Variants in LAMA2 observed in about 807,000 individuals in gnomAD.
The protein encoded by LAMA2 is laminin subunit alpha-2.
In LAMA2, 269 loss-of-function variants were observed where a neutral mutation model predicts 364.8. The ratio of observed to expected loss-of-function variants is 0.74; its 90% CI spans 0.67 to 0.82. LAMA2 has a LOEUF of 0.82. LAMA2 is among the 40% of genes least tolerant of loss of function. The pLI is 0.00. For missense variants in LAMA2, 3,807 were observed against 3,873.2 expected, an observed-to-expected ratio of 0.98 and a Z score of 0.45; for synonymous variants, 1,379 against 1,370.6, an observed-to-expected ratio of 1.01 and a Z score of -0.14.
chr6:129,141,472 G>T (rs147418220), intron 4 of LAMA2, among the ~76,000 whole-genome samples: 5 of 151,986 alleles, frequency 3.3e-5, no homozygotes, highest in Middle Eastern at 3.2e-3. Context: ...AGCATCCCAG[G>T]TAGATTCAAT....
At chr6:129,220,826 G>A (rs1302079886) in intron 12 of LAMA2, among the ~76,000 whole-genome samples, 4 of 150,974 alleles carry the variant, frequency 2.6e-5, no homozygotes, top group Admixed American at 2.6e-4. Context: ...TGTCTGTGCT[G>A]TATCTCTTTT....
chr6:129,339,485 A>T (rs1235343443), intron 29 of LAMA2, among the ~76,000 whole-genome samples: 1 of 152,228 alleles, frequency 6.6e-6, no homozygotes, highest in African/African-American at 2.4e-5. Flanking sequence ...CCCATTAGAG[A>T]TATCCAGGCT....
intron 12 of LAMA2, among the ~76,000 whole-genome samples, chr6:129,201,360 C>A (rs530666947): frequency 5.9e-5 from 9 of 152,122 alleles, no homozygotes; most frequent in African/African-American, 2.2e-4. Flanking sequence ...GAGAGAGAGA[C>A]GAGGAGAGAG....
chr6:129,467,320 G>A (rs9492325), intron 51 of LAMA2, among the ~76,000 whole-genome samples: 94,254 of 151,520 alleles, frequency 0.62, 29,920 homozygotes, highest in African/African-American at 0.75. Context: ...ACACGAAGAC[G>A]TGAAGATGGA....
intron 3 of LAMA2, among the ~76,000 whole-genome samples, chr6:129,090,590 G>A (rs1399382554): frequency 6.6e-6 from 1 of 152,118 alleles, no homozygotes; most frequent in African/African-American, 2.4e-5. Flanking sequence ...AAGAAACCAC[G>A]TTGTGTGTCC....
chr6:129,293,225 A>T (rs981714245), intron 20 of LAMA2, among the ~76,000 whole-genome samples: 1 of 152,248 alleles, frequency 6.6e-6, no homozygotes, highest in East Asian at 1.9e-4. Flanking sequence ...TTGCCCTTTT[A>T]AAAATAACCA....
At position 129,045,085 on chromosome 6, in the gene LAMA2, G is replaced by T. The variant is rs187457920; in HGVS notation, c.113-4833G>T. On this transcript the variant is annotated intron_variant, in intron 1 of 64. Transcript: ENST00000421865. ...GGTCATTCATTAGCAACTAATTGGA[G>T]ACCTTTGCTGACCAATATGCTTAAC... Among the ~76,000 whole-genome samples, 171 of 152,240 alleles carry T rather than the reference G, an allele frequency of 1.1e-3. 1 individual carries two copies. The highest frequency in any genetic ancestry group is 2.1e-3 in the South Asian group (10 of 4,828).
intron 9 of LAMA2, among the ~76,000 whole-genome samples, chr6:129,170,274 T>A (rs1412966369): frequency 6.8e-6 from 1 of 147,244 alleles, no homozygotes; most frequent in Non-Finnish European, 1.5e-5. Context: ...ATTTTGGATC[T>A]TTCCTGCTTT....
In LAMA2 at chr6:129,454,224, G is replaced by C; in HGVS notation, c.6643G>C (p.Gly2215Arg). 6.2e-7 allele frequency: 1 copy of C among 1,612,020 alleles called. No individual in the cohort carries two copies. ...CCTCTGGGATGTTGGATCTGGAGTT[G>C]GACGTGTAGAGTACCCAGATTTGAC... ...SFLWDVGSGV[G>R]RVEYPDLTID... The change falls in exon 47 of 65, where the codon GGA becomes CGA. Residue 2215 changes from glycine to arginine, a missense_variant. Coordinates refer to ENST00000421865, the MANE Select transcript of LAMA2 (RefSeq NM_000426.4).
intron 1 of LAMA2, among the ~76,000 whole-genome samples, chr6:128,942,426 G>A (rs1780214878): frequency 1.3e-5 from 2 of 152,188 alleles, no homozygotes; most frequent in South Asian, 4.1e-4. Flanking sequence ...TTCCAGTTGA[G>A]CTCAAAAGGA....
At chr6:129,422,305 T>C (rs1043743975) in intron 40 of LAMA2, among the ~76,000 whole-genome samples, 71 of 152,180 alleles carry the variant, frequency 4.7e-4, no homozygotes, top group African/African-American at 1.6e-3. Flanking sequence ...AAAAATTGCC[T>C]GGAAGCAAAG....
In LAMA2 at chr6:129,514,449, A is replaced by G. The variant is rs1159873158; in HGVS notation, c.9065A>G (p.Asp3022Gly). The G allele has an allele frequency of 3.1e-6, 5 of 1,613,906 alleles. No individual in the cohort carries two copies. Among genetic ancestry groups the G allele is most frequent in the Non-Finnish European group, 4.2e-6 (5 of 1,179,978 alleles). Reference sequence around the variant, plus strand: ...GCTGGGGTTCCAGGGCATTTGTGTGATGGACAATGGCATAAAGTCACTGCC... The same window carrying G: ...GCTGGGGTTCCAGGGCATTTGTGTGGTGGACAATGGCATAAAGTCACTGCC... Reference protein sequence around the residue: ...YDAGVPGHLCDGQWHKVTANK... With the variant: ...YDAGVPGHLCGGQWHKVTANK... The change falls in exon 64 of 65, where the codon GAT (aspartate) becomes GGT (glycine). Residue 3022 changes from aspartate (D) to glycine (G), a missense_variant. Asp to Gly is a moderately conservative substitution (Grantham distance 94). Transcript: ENST00000421865.
intron 12 of LAMA2, among the ~76,000 whole-genome samples, chr6:129,217,440 G>T (rs955429377): frequency 1.3e-5 from 2 of 152,082 alleles, no homozygotes; most frequent in Non-Finnish European, 2.9e-5. Flanking sequence ...GTTAGATTGA[G>T]CTTTCCCTTC....
chr6:129,514,221 GT>G, intron 63 of LAMA2, 151 bp from the exon 64 acceptor site: 1 of 690,058 alleles, frequency 1.4e-6, no homozygotes, highest in Non-Finnish European at 2.6e-6. Context: ...AATTTGTCAA[GT>G]TTTAAAATTT....
At chr6:129,139,564 T>C (rs541079663) in intron 4 of LAMA2, among the ~76,000 whole-genome samples, 1 of 152,236 alleles carries the variant, frequency 6.6e-6, no homozygotes, top group Admixed American at 6.6e-5. Context: ...TCCTCAGATT[T>C]TGATATCCAC....
At position 129,431,415 on chromosome 6, in the gene LAMA2, A is replaced by G. The variant is rs1370742947; in HGVS notation, c.5968+3561A>G. 8.6e-5 allele frequency among the ~76,000 whole-genome samples: 13 copies of G among 151,622 alleles called. No homozygotes were observed. The East Asian group carries it at 2.3e-3, about 27-fold the overall frequency. ...CTCTATCTAAAAAAAAAAAAAAAAA[A>G]CTAGGTAACATACCTATAAAATAGA... On this transcript the variant is annotated intron_variant, in intron 41 of 64. Coordinates refer to ENST00000421865, the MANE Select transcript of LAMA2 (RefSeq NM_000426.4).
chr6:128,988,656 CTTT>C (rs993891330), intron 1 of LAMA2, among the ~76,000 whole-genome samples: 1 of 152,128 alleles, frequency 6.6e-6, no homozygotes, highest in Non-Finnish European at 1.5e-5. Context: ...CAATTCTTAG[CTTT>C]TTTAACTTTG....
chr6:129,409,003 C>T (rs1480309319), intron 40 of LAMA2, among the ~76,000 whole-genome samples: 1 of 152,188 alleles, frequency 6.6e-6, no homozygotes, highest in African/African-American at 2.4e-5. Context: ...ATTACTTTGC[C>T]ACCAATTTTT....
rs375530150 is a variant in LAMA2, at chr6:129,486,630, T to C, written c.7898+8T>C. 10 of 1,611,778 alleles carry C rather than the reference T, an allele frequency of 6.2e-6. No individual in the cohort carries two copies. Among genetic ancestry groups the C allele is most frequent in the African/African-American group, 4.0e-5 (3 of 74,990 alleles). On this transcript the variant is annotated splice_region_variant and intron_variant, in intron 56 of 64. Transcript: ENST00000421865. ...TGTAGAGCGAACTAGAGGGTAACAATAGCACTAAAATATTTATTATTGTAA... is the reference window on the plus strand; with the variant it reads ...TGTAGAGCGAACTAGAGGGTAACAACAGCACTAAAATATTTATTATTGTAA...
Sources: allele counts gnomAD v4.1 joint callset (sites outside exome capture counted in the v4.1 genomes callset), GRCh38; gene constraint gnomAD v4.1.1; transcripts MANE v1.5; gene names NCBI Gene and HGNC (gene_info 2026-07-23, HGNC 2026-07-21).